Variants in EIF3I observed in about 807,000 individuals in gnomAD.
EIF3I encodes TGF-beta receptor-interacting protein 1.
Under a neutral mutation model 43.3 loss-of-function variants are expected in EIF3I, and 20 were observed. The ratio of observed to expected loss-of-function variants is 0.46; its 90% CI spans 0.32 to 0.67. EIF3I has a LOEUF of 0.67. EIF3I is among the 30% of genes least tolerant of loss of function. The pLI is 0.03. For synonymous variants in EIF3I, 167 were observed against 151.7 expected, an observed-to-expected ratio of 1.10 and a Z score of -0.74; for missense variants, 279 against 421.4, an observed-to-expected ratio of 0.66 and a Z score of 2.96.
chr1:32,230,389 C>T (rs535007729), intron 10 of EIF3I, among the ~76,000 whole-genome samples: 56 of 151,946 alleles, frequency 3.7e-4, no homozygotes, highest in Non-Finnish European at 6.2e-4. Context: ...ACATGGCCAC[C>T]GTCCCTGGCT....
downstream of EIF3I, among the ~76,000 whole-genome samples, chr1:32,233,156 G>A (rs1408563215): frequency 1.3e-5 from 2 of 152,064 alleles, no homozygotes; most frequent in Non-Finnish European, 2.9e-5. Context: ...AACACGCCCG[G>A]CTAATTATAT....
downstream of EIF3I, chr1:32,231,372 T>C: frequency 1.9e-6 from 1 of 538,450 alleles, no homozygotes; most frequent in Non-Finnish European, 3.3e-6. Context: ...ACGCCTATAG[T>C]CCCAGCTACT....
chr1:32,231,092 G>A, intron 11 of EIF3I, 23 bp from the exon 11 acceptor site: 6 of 1,614,096 alleles, frequency 3.7e-6, no homozygotes, highest in Non-Finnish European at 5.1e-6. Context: ...GCACCTGACT[G>A]GTGCCTGGCT....
At chr1:32,226,312 G>A in exon 5 of EIF3I, 1 of 1,614,170 alleles carries the variant, frequency 6.2e-7, no homozygotes, top group Non-Finnish European at 8.5e-7. Context: ...CGGGATCCGA[G>A]CCAGATTGGT....
At chr1:32,231,049 G>C (rs771628201) in intron 11 of EIF3I, 30 bp downstream of exon 10, 2 of 1,612,864 alleles carry the variant, frequency 1.2e-6, no homozygotes, top group East Asian at 4.5e-5. Flanking sequence ...GCTGACCTAA[G>C]CCTGGGTTGG....
At chr1:32,226,658 C>T in intron 6 of EIF3I, 128 bp downstream of exon 6, 1 of 1,058,762 alleles carries the variant, frequency 9.4e-7, no homozygotes, top group Non-Finnish European at 1.2e-6. Flanking sequence ...CCTCCACCTC[C>T]CTGGTTCAAG....
chr1:32,231,195 A>G lies in EIF3I; in HGVS notation c.1088A>G (p.Ter363=), dbSNP rs768345438. ...TACTTCGAATTTGAGTTTGAGGCTT[A>G]AGAAGCTGGATCTCCTGCCGGGCGT... Residue 363 remains the stop codon, a stop_retained_variant, in exon 12 of 12, where the codon TAA becomes TGA. Coordinates refer to ENST00000676679, the Ensembl canonical transcript of EIF3I. The G allele has an allele frequency of 1.2e-5, 20 of 1,613,450 alleles. 1 individual carries two copies. In the South Asian group the frequency reaches 2.2e-4, roughly 18 times the overall value.
At chr1:32,223,537 G>A (rs764816777) in intron 2 of EIF3I, among the ~76,000 whole-genome samples, 11 of 152,006 alleles carry the variant, frequency 7.2e-5, no homozygotes, top group Non-Finnish European at 1.5e-4. Context: ...CGCCTGCCTC[G>A]GCCTCCCAAA....
chr1:32,224,850 G>A (rs894149850), intron 4 of EIF3I, among the ~76,000 whole-genome samples: 2 of 146,614 alleles, frequency 1.4e-5, no homozygotes, highest in Admixed American at 1.4e-4. Flanking sequence ...TTTTTTTTTT[G>A]AGACAGATTC....
At chr1:32,230,900 G>T in intron 10 of EIF3I, 27 bp from the exon 10 acceptor site, 1 of 1,543,480 alleles carries the variant, frequency 6.5e-7, no homozygotes, top group South Asian at 1.2e-5. Context: ...GATAGAAAGT[G>T]AATTAATTGT....
intron 4 of EIF3I, among the ~76,000 whole-genome samples, chr1:32,225,157 G>A (rs1469470296): frequency 6.6e-6 from 1 of 151,940 alleles, no homozygotes; most frequent in Admixed American, 6.6e-5. Flanking sequence ...TGTATTTTTA[G>A]TAGAGACAGG....
chr1:32,234,686 G>T (rs1639278142), downstream of EIF3I: 2 of 152,658 alleles, frequency 1.3e-5, no homozygotes, highest in Admixed American at 6.6e-5. Flanking sequence ...GTAAGGCTGG[G>T]GTTGGGTGGT....
At chr1:32,230,894 G>C in intron 10 of EIF3I, 33 bp from the exon 10 acceptor site, 1 of 1,516,168 alleles carries the variant, frequency 6.6e-7, no homozygotes, top group Non-Finnish European at 9.0e-7. Context: ...GAAGAAGATA[G>C]AAAGTGAATT....
chr1:32,229,036 T>C (rs761131050), intron 8 of EIF3I, 99 bp from the exon 9 acceptor site: 414 of 1,320,136 alleles, frequency 3.1e-4, no homozygotes, highest in Non-Finnish European at 4.2e-4. Flanking sequence ...TATCCTCCCA[T>C]TGAGCCGTGT....
In EIF3I at chr1:32,231,033, G is replaced by A. The variant is rs1237911003; in HGVS notation, c.1007+14G>A. 6.2e-7 allele frequency: 1 copy of A among 1,613,694 alleles called. No homozygotes were observed. Among genetic ancestry groups the A allele is most frequent in the South Asian group, 1.1e-5 (1 of 91,060 alleles). On this transcript the variant is annotated intron_variant, in intron 11 of 11. Coordinates refer to ENST00000676679, the Ensembl canonical transcript of EIF3I. The stretch of plus-strand genomic sequence containing the variant: ...TGATGGCAAGAGGTAGGGTACCAGT[G>A]AAGCAGCTGACCTAAGCCTGGGTTG...
chr1:32,228,928 A>G, intron 8 of EIF3I, 112 bp downstream of exon 8: 1 of 1,113,576 alleles, frequency 9.0e-7, no homozygotes, highest in Non-Finnish European at 1.3e-6. Flanking sequence ...TCAGGCAGAG[A>G]GGAGATGCCC....
At chr1:32,231,460 C>A, downstream of EIF3I, 1 of 306,848 alleles carries the variant, frequency 3.3e-6, no homozygotes, top group Admixed American at 4.8e-5. Flanking sequence ...CATTGCACTC[C>A]ATCCTGAGCC....
chr1:32,230,433 G>T (rs946650001), intron 10 of EIF3I, among the ~76,000 whole-genome samples: 2 of 151,882 alleles, frequency 1.3e-5, no homozygotes, highest in African/African-American at 2.4e-5. Context: ...TGTTGGCCAG[G>T]CTGGTCTCAA....
At chr1:32,235,528 C>T (rs554296269), downstream of EIF3I, among the ~76,000 whole-genome samples, 1 of 152,248 alleles carries the variant, frequency 6.6e-6, no homozygotes, top group Admixed American at 6.5e-5. Context: ...ACCATGTTGG[C>T]CAGAATGGTC....
Sources: allele counts gnomAD v4.1 joint callset (sites outside exome capture counted in the v4.1 genomes callset), GRCh38; gene constraint gnomAD v4.1.1; transcripts MANE v1.5; gene names NCBI Gene and HGNC (gene_info 2026-07-23, HGNC 2026-07-21).